Variants in GALNT13 observed in about 807,000 individuals in gnomAD.
GALNT13 encodes the protein polypeptide N-acetylgalactosaminyltransferase 13.
In GALNT13, 28 loss-of-function variants were observed where a neutral mutation model predicts 64.2. The ratio of observed to expected loss-of-function variants is 0.44; its 90% confidence interval spans 0.32 to 0.60. The LOEUF is 0.60. GALNT13 is among the 20% of genes least tolerant of loss of function. The probability of loss-of-function intolerance (pLI) is 0.05; values close to 1 mark genes in which losing one functional copy is unlikely to be tolerated. For synonymous variants in GALNT13, 214 were observed against 224.6 expected, an observed-to-expected ratio of 0.95 and a Z score of 0.42; for missense variants, 577 against 669.8, an observed-to-expected ratio of 0.86 and a Z score of 1.53.
chr2:153,606,429 G>A, the GALNT13 span, among the ~76,000 whole-genome samples: 1 of 152,026 alleles, frequency 6.6e-6, no homozygotes, highest in Non-Finnish European at 1.5e-5. Flanking sequence ...TGTGGCCCAG[G>A]ATGGCTTTAT....
rs796735992 is a variant in GALNT13 at position 153,904,386 on chromosome 2, C to G, written c.-105+3379C>G. Among the ~76,000 whole-genome samples, 14 of 151,998 alleles carry G rather than the reference C, an allele frequency of 9.2e-5. 1 individual carries two copies. Among genetic ancestry groups the G allele is most frequent in the African/African-American group, 3.4e-4 (14 of 41,558 alleles). ...AGTCATATTGCATGCAATCTTTCAA[C>G]TTTAGTAGATACTACCAGACAGTAT... is the stretch of plus-strand genomic sequence containing the variant. On this transcript the variant is annotated intron_variant, in intron 2 of 12. Transcript: ENST00000392825.
At chr2:153,523,606 T>C in the GALNT13 span, among the ~76,000 whole-genome samples, 1 of 152,200 alleles carries the variant, frequency 6.6e-6, no homozygotes, top group Non-Finnish European at 1.5e-5. Flanking sequence ...TAATTTCAAA[T>C]TCCACTTGTT....
chr2:153,870,411 C>G (rs1186327115), upstream of GALNT13, among the ~76,000 whole-genome samples: 1 of 151,960 alleles, frequency 6.6e-6, no homozygotes, highest in South Asian at 2.1e-4. Flanking sequence ...AGCATCAGAA[C>G]CCCAATCTTT....
the GALNT13 span, among the ~76,000 whole-genome samples, chr2:153,325,825 C>A: frequency 6.6e-6 from 1 of 152,134 alleles, no homozygotes; most frequent in Non-Finnish European, 1.5e-5. Flanking sequence ...GTTTCTTAAT[C>A]CTGAGTTCTA....
chr2:153,616,217 C>G, the GALNT13 span, among the ~76,000 whole-genome samples: 3 of 151,494 alleles, frequency 2.0e-5, no homozygotes, highest in East Asian at 3.9e-4. Flanking sequence ...AGTGTATGTT[C>G]TTGACACCTT....
intron 11 of GALNT13, among the ~76,000 whole-genome samples, chr2:154,421,451 C>A (rs1700246735): frequency 6.6e-6 from 1 of 151,982 alleles, no homozygotes; most frequent in East Asian, 1.9e-4. Flanking sequence ...CAAATATAGA[C>A]GTAGTAGTCA....
chr2:153,975,719 A>G (rs1314295946), intron 3 of GALNT13, among the ~76,000 whole-genome samples: 1 of 152,140 alleles, frequency 6.6e-6, no homozygotes, highest in African/African-American at 2.4e-5. Context: ...AGTTTCAGTT[A>G]CACAGGATAA....
At chr2:153,927,383 T>G (rs931193567) in intron 2 of GALNT13, among the ~76,000 whole-genome samples, 2 of 152,082 alleles carry the variant, frequency 1.3e-5, no homozygotes, top group African/African-American at 4.8e-5. Flanking sequence ...GCTTTTCATG[T>G]GCTTGTACAC....
intron 3 of GALNT13, among the ~76,000 whole-genome samples, chr2:154,077,268 A>C (rs1701037740): frequency 6.6e-6 from 1 of 151,488 alleles, no homozygotes; most frequent in Non-Finnish European, 1.5e-5. Flanking sequence ...TTTGATTTGC[A>C]AGTTTTTATA....
At chr2:153,319,195 A>G in the GALNT13 span, among the ~76,000 whole-genome samples, 1 of 152,228 alleles carries the variant, frequency 6.6e-6, no homozygotes, top group Admixed American at 6.5e-5. Context: ...TTAATATATT[A>G]CAGCCTTATT....
At chr2:154,305,032 A>G (rs1409510616) in intron 9 of GALNT13, among the ~76,000 whole-genome samples, 3 of 152,218 alleles carry the variant, frequency 2.0e-5, no homozygotes, top group Non-Finnish European at 1.5e-5. Context: ...GACGCAGGCT[A>G]GAAACTAGTA....
the GALNT13 span, among the ~76,000 whole-genome samples, chr2:153,706,886 T>C: frequency 0.011 from 1,616 of 152,308 alleles, 59 homozygotes; most frequent in East Asian, 0.13. Flanking sequence ...AAAACAAGAC[T>C]AGTATGATTT....
intron 4 of GALNT13, among the ~76,000 whole-genome samples, chr2:154,159,363 G>A (rs1230746117): frequency 6.6e-6 from 1 of 151,994 alleles, no homozygotes; most frequent in East Asian, 1.9e-4. Flanking sequence ...TCGAACTCCT[G>A]ACCTCAAGTG....
chr2:153,551,331 A>G, the GALNT13 span, among the ~76,000 whole-genome samples: 26 of 152,210 alleles, frequency 1.7e-4, no homozygotes, highest in Non-Finnish European at 3.1e-4. Context: ...ACAGGAACCA[A>G]TAGAGCATTT....
chr2:153,221,350 C>T, the GALNT13 span, among the ~76,000 whole-genome samples: 1 of 152,152 alleles, frequency 6.6e-6, no homozygotes, highest in Non-Finnish European at 1.5e-5. Flanking sequence ...ACACCCAAAT[C>T]TATGTCGTCT....
chr2:153,235,583 T>C, the GALNT13 span, among the ~76,000 whole-genome samples: 2 of 152,094 alleles, frequency 1.3e-5, no homozygotes, highest in Non-Finnish European at 1.5e-5. Context: ...TTTTTACTAT[T>C]ATAGTGAGCA....
the GALNT13 span, among the ~76,000 whole-genome samples, chr2:153,832,150 T>C: frequency 6.6e-6 from 1 of 152,152 alleles, no homozygotes; most frequent in Non-Finnish European, 1.5e-5. Flanking sequence ...CCTGGTTCCA[T>C]CAATGCCTGA....
intron 3 of GALNT13, among the ~76,000 whole-genome samples, chr2:153,964,022 A>T (rs1392426979): frequency 3.3e-5 from 5 of 152,046 alleles, no homozygotes; most frequent in African/African-American, 1.2e-4. Context: ...AGATTTTAAG[A>T]TTTGATTTAA....
intron 3 of GALNT13, among the ~76,000 whole-genome samples, chr2:154,080,844 C>T (rs1701235704): frequency 6.6e-6 from 1 of 151,572 alleles, no homozygotes; most frequent in Non-Finnish European, 1.5e-5. Flanking sequence ...TATTGTGGTT[C>T]CTTGGGTGAA....
Sources: allele counts gnomAD v4.1 joint callset (sites outside exome capture counted in the v4.1 genomes callset), GRCh38; gene constraint gnomAD v4.1.1; transcripts MANE v1.5; gene names NCBI Gene and HGNC (gene_info 2026-07-23, HGNC 2026-07-21).